SRD5A2: variants seen among roughly 807,000 people sequenced by gnomAD.
SRD5A2 encodes steroid 5 alpha-reductase 2, also known as 3-oxo-5-alpha-steroid 4-dehydrogenase 2.
In SRD5A2, 30 loss-of-function variants were observed where a neutral mutation model predicts 27.4. That is an observed-to-expected ratio of 1.10 (90% CI 0.82 to 1.49). SRD5A2 has a LOEUF of 1.49. SRD5A2 is among the 40% of genes most tolerant of loss of function. The pLI is 0.00. For synonymous variants in SRD5A2, 141 were observed against 133.6 expected, an observed-to-expected ratio of 1.06 and a Z score of -0.38; for missense variants, 348 against 323.4, an observed-to-expected ratio of 1.08 and a Z score of -0.58.
At position 31,529,354 on chromosome 2, in the gene SRD5A2, T is replaced by A. The variant is rs765256238; in HGVS notation, c.651A>T (p.Ala217=). ...ATWSLPALAF[A]FFSLCFLGLR... ...GCCCAAGGAAACAAAGTGAGAAAAA[T>A]GCAAATGCAAGTGCTGGGAGGGACC... The change falls in exon 4 of 5, where the codon GCA becomes GCT. Residue 217 remains alanine (A), a synonymous_variant. Coordinates refer to ENST00000622030, the MANE Select transcript of SRD5A2 (RefSeq NM_000348.4). The A allele has an allele frequency of 2.5e-6, 4 of 1,613,796 alleles. No homozygotes were observed. The highest frequency in any genetic ancestry group is 3.4e-6 in the Non-Finnish European group (4 of 1,179,804).
At chr2:31,617,334 C>T in the SRD5A2 span, among the ~76,000 whole-genome samples, 3 of 151,994 alleles carry the variant, frequency 2.0e-5, no homozygotes, top group African/African-American at 7.3e-5. Flanking sequence ...AGGAGGGGGC[C>T]CCTGGGTCCA....
At chr2:31,659,478 T>C in the SRD5A2 span, among the ~76,000 whole-genome samples, 1 of 152,060 alleles carries the variant, frequency 6.6e-6, no homozygotes, top group Non-Finnish European at 1.5e-5. Flanking sequence ...AACAAGTTCA[T>C]CAAAGTTTCA....
At chr2:31,599,694 T>C in the SRD5A2 span, among the ~76,000 whole-genome samples, 2 of 151,964 alleles carry the variant, frequency 1.3e-5, no homozygotes, top group East Asian at 1.9e-4. Flanking sequence ...TATAAGTGCC[T>C]ACATCAAAAC....
intron 2 of SRD5A2, 35 bp downstream of exon 2, chr2:31,533,568 T>G (rs764495835): frequency 6.5e-7 from 1 of 1,545,478 alleles, no homozygotes; most frequent in African/African-American, 1.4e-5. Context: ...GGTTGTTAGC[T>G]GGGAAGTAGG....
chr2:31,612,266 G>A, the SRD5A2 span, among the ~76,000 whole-genome samples: 2 of 150,014 alleles, frequency 1.3e-5, no homozygotes, highest in Admixed American at 1.3e-4. Context: ...GGGTGACAGA[G>A]CAAGACTGCG....
the SRD5A2 span, among the ~76,000 whole-genome samples, chr2:31,592,684 C>T: frequency 1.3e-5 from 2 of 152,132 alleles, no homozygotes; most frequent in Non-Finnish European, 2.9e-5. Context: ...ATCTGTGGGA[C>T]AAAATAATCT....
chr2:31,581,890 G>A (rs111228245), upstream of SRD5A2, among the ~76,000 whole-genome samples: 1 of 152,042 alleles, frequency 6.6e-6, no homozygotes, highest in East Asian at 1.9e-4. Flanking sequence ...TCTCTCTTCC[G>A]TTTCCCACCT....
the SRD5A2 span, among the ~76,000 whole-genome samples, chr2:31,601,542 G>C: frequency 6.6e-6 from 1 of 152,038 alleles, no homozygotes; most frequent in Non-Finnish European, 1.5e-5. Context: ...TTGAAAAAGA[G>C]GGACTCCTCC....
intron 1 of SRD5A2, among the ~76,000 whole-genome samples, chr2:31,539,662 G>A (rs925808915): frequency 6.6e-6 from 1 of 152,186 alleles, no homozygotes; most frequent in African/African-American, 2.4e-5. Flanking sequence ...GGCCTGGGTA[G>A]TATCAGAGAA....
the SRD5A2 span, among the ~76,000 whole-genome samples, chr2:31,588,165 A>G: frequency 6.6e-6 from 1 of 152,192 alleles, no homozygotes; most frequent in Admixed American, 6.5e-5. Flanking sequence ...TGGTCTAAAG[A>G]GGACATAGAG....
the SRD5A2 span, among the ~76,000 whole-genome samples, chr2:31,633,086 A>G: frequency 6.6e-6 from 1 of 152,108 alleles, no homozygotes. Context: ...TATTGAAGCC[A>G]AAAGAGCCAC....
chr2:31,564,947 C>G (rs1287483570), intron 1 of SRD5A2, among the ~76,000 whole-genome samples: 1 of 151,854 alleles, frequency 6.6e-6, no homozygotes, highest in South Asian at 2.1e-4. Flanking sequence ...AAATATATAA[C>G]TTTTTTATTA....
the SRD5A2 span, among the ~76,000 whole-genome samples, chr2:31,594,692 C>T: frequency 6.6e-6 from 1 of 152,094 alleles, no homozygotes; most frequent in Non-Finnish European, 1.5e-5. Flanking sequence ...TTAAACTATA[C>T]CCTATAACAA....
the SRD5A2 span, among the ~76,000 whole-genome samples, chr2:31,648,451 A>G: frequency 6.6e-6 from 1 of 152,172 alleles, no homozygotes; most frequent in Non-Finnish European, 1.5e-5. Context: ...CAACCTGCCA[A>G]TAACATGCAG....
the SRD5A2 span, among the ~76,000 whole-genome samples, chr2:31,599,497 CAA>C: frequency 6.6e-6 from 1 of 151,772 alleles, no homozygotes; most frequent in Non-Finnish European, 1.5e-5. Context: ...AAATCAGTAA[CAA>C]GAGGAATTTT....
chr2:31,638,566 TA>T, the SRD5A2 span, among the ~76,000 whole-genome samples: 4 of 152,056 alleles, frequency 2.6e-5, no homozygotes, highest in Non-Finnish European at 5.9e-5. Flanking sequence ...TTTCTCCTTT[TA>T]GACCTATTAA....
intron 1 of SRD5A2, among the ~76,000 whole-genome samples, chr2:31,541,372 A>G (rs1278449723): frequency 5.3e-5 from 8 of 152,298 alleles, no homozygotes; most frequent in Admixed American, 2.6e-4. Context: ...TTCAAAAAAA[A>G]AAGAGGAAAA....
intron 1 of SRD5A2, among the ~76,000 whole-genome samples, chr2:31,543,606 T>C (rs1666181505): frequency 6.6e-6 from 1 of 152,176 alleles, no homozygotes; most frequent in African/African-American, 2.4e-5. Flanking sequence ...AGTTGCAATT[T>C]TGTGACATTA....
At chr2:31,657,275 T>C in the SRD5A2 span, among the ~76,000 whole-genome samples, 1 of 152,328 alleles carries the variant, frequency 6.6e-6, no homozygotes, top group East Asian at 1.9e-4. Context: ...GTATGAGAAA[T>C]CCTTCTAGAC....
Sources: gnomAD v4.1 joint callset for allele counts (sites outside exome capture counted in the v4.1 genomes callset) on GRCh38, gnomAD v4.1.1 for gene constraint, MANE v1.5 for transcripts, NCBI Gene and HGNC (gene_info 2026-07-23, HGNC 2026-07-21) for gene names.